FLI1: variants seen among roughly 807,000 people sequenced by gnomAD.
FLI1 encodes the protein Fli-1 proto-oncogene, ETS transcription factor.
Under a neutral mutation model 53.1 loss-of-function variants are expected in FLI1, and 13 were observed. That is an observed-to-expected ratio of 0.24 (90% confidence interval 0.16 to 0.39). The LOEUF is 0.39. FLI1 is among the 10% of genes least tolerant of loss of function. The pLI is 1.00. For synonymous variants in FLI1, 244 were observed against 236.7 expected (o/e 1.03, Z -0.28); for missense variants, 424 against 600.5 (o/e 0.71, Z 3.07).
intron 1 of FLI1, among the ~76,000 whole-genome samples, chr11:128,723,485 A>G (rs1185105206): frequency 6.6e-6 from 1 of 152,174 alleles, no homozygotes; most frequent in Admixed American, 6.5e-5. Context: ...TTTGTGCACA[A>G]GGATGGAGAC....
At chr11:128,757,045 TTTCTTTCTTTCTTTCTTTC>T (rs1184368223) in intron 1 of FLI1, among the ~76,000 whole-genome samples, 5 of 15,646 alleles carry the variant, frequency 3.2e-4, no homozygotes, top group African/African-American at 9.5e-4. Context: ...TAGCTAATTT[TTTCTTTCTTTCTTTCTTTC>T]TTTCTTTCTT....
intron 2 of FLI1, among the ~76,000 whole-genome samples, chr11:128,764,323 G>A (rs924225922): frequency 4.6e-5 from 7 of 152,196 alleles, no homozygotes; most frequent in African/African-American, 1.4e-4. Flanking sequence ...AACAGAACTC[G>A]AGGAGTCAAG....
chr11:128,796,921 G>A (rs1200544915), intron 5 of FLI1, among the ~76,000 whole-genome samples: 1 of 152,230 alleles, frequency 6.6e-6, no homozygotes, highest in Admixed American at 6.5e-5. Flanking sequence ...GTTGCAGTGA[G>A]CCGAGATTGC....
intron 5 of FLI1, among the ~76,000 whole-genome samples, chr11:128,797,514 G>A (rs188532847): frequency 1.8e-3 from 271 of 152,286 alleles, no homozygotes; most frequent in Non-Finnish European, 3.2e-3. Flanking sequence ...TCCCATCCCT[G>A]CACTGCCTAC....
chr11:128,688,584 T>G (rs887408909), intron 1 of FLI1, among the ~76,000 whole-genome samples: 1 of 151,532 alleles, frequency 6.6e-6, no homozygotes, highest in Non-Finnish European at 1.5e-5. Flanking sequence ...CCAGGCCCCA[T>G]GAGGGAGGAG....
At chr11:128,714,526 G>A (rs1015233311) in intron 1 of FLI1, among the ~76,000 whole-genome samples, 2 of 152,214 alleles carry the variant, frequency 1.3e-5, no homozygotes, top group African/African-American at 4.8e-5. Flanking sequence ...AGAGTCTACA[G>A]AGGTTGATAA....
intron 1 of FLI1, among the ~76,000 whole-genome samples, chr11:128,709,506 T>C (rs977869054): frequency 2.6e-5 from 4 of 152,186 alleles, no homozygotes; most frequent in Non-Finnish European, 5.9e-5. Context: ...AAACATCCCA[T>C]ATTCCTCCTT....
chr11:128,751,236 CA>C (rs1435631420), intron 1 of FLI1, among the ~76,000 whole-genome samples: 4 of 152,230 alleles, frequency 2.6e-5, no homozygotes, highest in East Asian at 1.9e-4. Context: ...ATCTTTTAAA[CA>C]ATCAACATTC....
intron 7 of FLI1, among the ~76,000 whole-genome samples, chr11:128,808,123 T>C (rs1018306065): frequency 2.0e-5 from 3 of 152,186 alleles, no homozygotes; most frequent in Non-Finnish European, 4.4e-5. Context: ...GTAGAGAGTT[T>C]TAAAGACTGT....
intron 1 of FLI1, among the ~76,000 whole-genome samples, chr11:128,699,599 A>G (rs1938235269): frequency 6.6e-6 from 1 of 152,210 alleles, no homozygotes; most frequent in African/African-American, 2.4e-5. Flanking sequence ...CTGTTGCTTT[A>G]ATGATTTCAT....
chr11:128,768,818 ACT>A (rs1941449677), intron 3 of FLI1, among the ~76,000 whole-genome samples: 1 of 152,124 alleles, frequency 6.6e-6, no homozygotes, highest in African/African-American at 2.4e-5. Flanking sequence ...CACATCACAG[ACT>A]CTACATCAAT....
chr11:128,701,040 C>T (rs2135701677), intron 1 of FLI1, among the ~76,000 whole-genome samples: 1 of 152,294 alleles, frequency 6.6e-6, no homozygotes, highest in East Asian at 1.9e-4. Flanking sequence ...TATCAGAGGC[C>T]ACACAAGAAA....
intron 1 of FLI1, among the ~76,000 whole-genome samples, chr11:128,749,887 C>T (rs146796543): frequency 1.3e-5 from 2 of 152,316 alleles, no homozygotes; most frequent in Admixed American, 6.5e-5. Context: ...CTTGGCCTTG[C>T]TAACAGCGGC....
intron 2 of FLI1, among the ~76,000 whole-genome samples, chr11:128,763,218 C>T (rs1941194652): frequency 6.6e-6 from 1 of 152,246 alleles, no homozygotes; most frequent in South Asian, 2.1e-4. Flanking sequence ...ACCCTCTGGC[C>T]CAGGAGCAAA....
In FLI1 at chr11:128,758,326, G is replaced by A; in HGVS notation, c.230G>A (p.Arg77Lys). The change falls in exon 2 of 9, where the codon AGG becomes AAG. Residue 77 changes from arginine (R) to lysine (K), a missense_variant and splice_region_variant. Coordinates refer to ENST00000527786, the MANE Select transcript of FLI1 (RefSeq NM_002017.5). The part of the protein sequence containing the change: ...KREYDHMNGS[R>K]ESPVDCSVSK... ...GAGTATGACCACATGAATGGATCCA[G>A]GTAAGCTCACCAGGCCTGTGCAGGA... The A allele has an allele frequency of 6.2e-7, 1 of 1,612,202 alleles. No individual in the cohort carries two copies. Among genetic ancestry groups the A allele is most frequent in the Non-Finnish European group, 8.5e-7 (1 of 1,178,942 alleles).
At chr11:128,694,814 C>G (rs1237174920) in intron 1 of FLI1, among the ~76,000 whole-genome samples, 1 of 152,120 alleles carries the variant, frequency 6.6e-6, no homozygotes, top group African/African-American at 2.4e-5. Flanking sequence ...GTCGGGGGAT[C>G]TATCTGAGCG....
Position 128,758,124 on chromosome 11 carries a change from T to C in FLI1, c.28T>C (p.Ser10Pro), listed in dbSNP as rs1443136271. Residue 10 changes from serine to proline, a missense_variant, in exon 2 of 9, where the codon TCG becomes CCG. By Grantham distance (74) the Ser-to-Pro change is moderately conservative. Transcript: ENST00000527786. ...TTCTCTGGCCCTGCAGGAGGCTCTG[T>C]CGGTGGTGAGCGACGACCAGTCCCT... Reference protein sequence around the residue: MDGTIKEALSVVSDDQSLFD... With the variant: MDGTIKEALPVVSDDQSLFD... 6.2e-7 allele frequency: 1 copy of C among 1,611,954 alleles called. No homozygotes were observed. Among genetic ancestry groups the C allele is most frequent in the Non-Finnish European group, 8.5e-7 (1 of 1,179,120 alleles).
chr11:128,735,744 G>A (rs1939886066), intron 1 of FLI1, among the ~76,000 whole-genome samples: 1 of 152,098 alleles, frequency 6.6e-6, no homozygotes. Context: ...GAACTTCCTA[G>A]GGCTTCCTGA....
chr11:128,741,998 T>C (rs117457539), intron 1 of FLI1, among the ~76,000 whole-genome samples: 1,589 of 152,312 alleles, frequency 0.01, 15 homozygotes, highest in Non-Finnish European at 0.018. Context: ...TTATTGTTAT[T>C]TCATCTAAGC....
Sources: allele counts gnomAD v4.1 joint callset (sites outside exome capture counted in the v4.1 genomes callset), GRCh38; gene constraint gnomAD v4.1.1; transcripts MANE v1.5; gene names NCBI Gene and HGNC (gene_info 2026-07-23, HGNC 2026-07-21).